COL24A1: variants seen among roughly 807,000 people sequenced by gnomAD.
COL24A1 encodes collagen alpha-1(XXIV) chain.
In COL24A1, 224 loss-of-function variants were observed where a neutral mutation model predicts 253.9. The observed-to-expected ratio is 0.88, with a 90% CI of 0.79 to 0.99. COL24A1 has a LOEUF of 0.99. COL24A1 is among the 50% of genes least tolerant of loss of function. The probability of loss-of-function intolerance (pLI) is 0.00; values close to 1 mark genes in which losing one functional copy is unlikely to be tolerated. For missense variants in COL24A1, 2,131 were observed against 2,068.5 expected (o/e 1.03, Z -0.59); for synonymous variants, 685 against 673.7 (o/e 1.02, Z -0.26).
intron 20 of COL24A1, among the ~76,000 whole-genome samples, chr1:85,972,156 CT>C (rs1178300317): frequency 6.6e-6 from 1 of 152,100 alleles, no homozygotes; most frequent in African/African-American, 2.4e-5. Context: ...TTCTAAGTCT[CT>C]TTTTAGAATT....
intron 2 of COL24A1, among the ~76,000 whole-genome samples, chr1:86,142,395 T>C (rs1353458584): frequency 1.3e-5 from 2 of 151,134 alleles, no homozygotes; most frequent in African/African-American, 4.9e-5. Context: ...TGGTGGTGGG[T>C]GCCTGTAGTC....
chr1:85,811,592 C>T (rs11161677), intron 47 of COL24A1, among the ~76,000 whole-genome samples: 50,101 of 151,928 alleles, frequency 0.33, 9,573 homozygotes, highest in Non-Finnish European at 0.44. Context: ...CACCATCTTG[C>T]TAACACTTGT....
chr1:85,739,508 C>T (rs1289946434), intron 57 of COL24A1, among the ~76,000 whole-genome samples: 1 of 152,144 alleles, frequency 6.6e-6, no homozygotes, highest in African/African-American at 2.4e-5. Flanking sequence ...GGTGGCAAGG[C>T]ATCTTTCTTG....
chr1:86,093,951 AAC>A (rs1396481579), intron 5 of COL24A1, among the ~76,000 whole-genome samples: 3 of 152,288 alleles, frequency 2.0e-5, no homozygotes, highest in African/African-American at 7.2e-5. Context: ...ACCGTCTCAC[AAC>A]AGACAGAATG....
intron 23 of COL24A1, among the ~76,000 whole-genome samples, chr1:85,964,506 T>C (rs1251054732): frequency 6.6e-6 from 1 of 152,160 alleles, no homozygotes; most frequent in Admixed American, 6.6e-5. Flanking sequence ...TATTGCCCTG[T>C]ATGTAACACA....
chr1:85,942,140 C>A (rs763863975), intron 24 of COL24A1, among the ~76,000 whole-genome samples: 1 of 152,098 alleles, frequency 6.6e-6, no homozygotes, highest in Non-Finnish European at 1.5e-5. Context: ...TCTCTTTAGG[C>A]AATAATAAAT....
intron 59 of COL24A1, among the ~76,000 whole-genome samples, chr1:85,731,217 C>T (rs1663441246): frequency 6.6e-6 from 1 of 152,058 alleles, no homozygotes; most frequent in South Asian, 2.1e-4. Context: ...TCTATTTATA[C>T]AGTTTCCCTC....
chr1:86,111,794 A>T lies in COL24A1; in HGVS notation c.1599+773T>A, dbSNP rs189383390. 8.3e-3 allele frequency among the ~76,000 whole-genome samples: 1,259 copies of T among 152,256 alleles called. 9 individuals are homozygous for T. Among genetic ancestry groups the T allele is most frequent in the African/African-American group, 0.028 (1,174 of 41,538 alleles). ...GACCACGAACCCACCGGGAGGAATG[A>T]ACAACTCCGGATAGGAGGAACGAAC... On this transcript the variant is annotated intron_variant, in intron 5 of 59. Coordinates refer to ENST00000370571, the MANE Select transcript of COL24A1 (RefSeq NM_152890.7).
intron 35 of COL24A1, among the ~76,000 whole-genome samples, chr1:85,870,514 A>G (rs1680342148): frequency 6.6e-6 from 1 of 152,262 alleles, no homozygotes. Flanking sequence ...ACCACAGTGC[A>G]ATCAAACTAG....
At chr1:85,959,895 T>C (rs1380039667) in intron 24 of COL24A1, among the ~76,000 whole-genome samples, 3 of 152,180 alleles carry the variant, frequency 2.0e-5, no homozygotes, top group African/African-American at 7.2e-5. Flanking sequence ...CTTAAGCAAT[T>C]TGTCACTCAG....
chr1:86,005,653 A>T (rs772665172), intron 19 of COL24A1, among the ~76,000 whole-genome samples: 41 of 152,136 alleles, frequency 2.7e-4, no homozygotes, highest in Admixed American at 4.6e-4. Context: ...GAAATTAGAA[A>T]AGGAACAAAG....
intron 24 of COL24A1, among the ~76,000 whole-genome samples, chr1:85,960,348 G>A (rs573851399): frequency 6.6e-6 from 1 of 152,022 alleles, no homozygotes; most frequent in Non-Finnish European, 1.5e-5. Context: ...TCATTTGTTA[G>A]AGAATATTTT....
intron 31 of COL24A1, among the ~76,000 whole-genome samples, chr1:85,890,083 C>A (rs1682953296): frequency 6.6e-6 from 1 of 152,112 alleles, no homozygotes; most frequent in Non-Finnish European, 1.5e-5. Context: ...TGTGTCAAAA[C>A]TTCCTGCTTT....
At chr1:86,145,602 A>T (rs1651766781) in intron 2 of COL24A1, among the ~76,000 whole-genome samples, 1 of 152,100 alleles carries the variant, frequency 6.6e-6, no homozygotes, top group Admixed American at 6.5e-5. Flanking sequence ...AAACTCTATC[A>T]TCATACTACC....
intron 19 of COL24A1, among the ~76,000 whole-genome samples, chr1:86,000,305 C>T (rs773553396): frequency 3.9e-5 from 6 of 152,162 alleles, no homozygotes; most frequent in South Asian, 2.1e-4. Flanking sequence ...ATATAGATTT[C>T]GTTCTTCCCA....
At chr1:85,851,238 A>C (rs183329266) in intron 37 of COL24A1, among the ~76,000 whole-genome samples, 176 of 152,122 alleles carry the variant, frequency 1.2e-3, no homozygotes, top group Non-Finnish European at 1.9e-3. Flanking sequence ...TGTTCTCCTG[A>C]AACTTCTTTT....
chr1:86,149,450 T>C (rs748697852), intron 1 of COL24A1, among the ~76,000 whole-genome samples: 3 of 152,224 alleles, frequency 2.0e-5, no homozygotes, highest in East Asian at 1.9e-4. Context: ...ACTGGCAGGA[T>C]ACATATCAGC....
intron 5 of COL24A1, among the ~76,000 whole-genome samples, chr1:86,100,031 C>T (rs925303928): frequency 2.3e-4 from 35 of 151,984 alleles, no homozygotes; most frequent in Admixed American, 3.3e-4. Context: ...CACATGCACA[C>T]GTATGTTTAT....
At chr1:85,826,812 A>G (rs1674406087) in intron 43 of COL24A1, among the ~76,000 whole-genome samples, 1 of 152,182 alleles carries the variant, frequency 6.6e-6, no homozygotes, top group Admixed American at 6.6e-5. Flanking sequence ...TTATCAGCTT[A>G]AGGAGATTTT....
Sources: gnomAD v4.1 joint callset for allele counts (sites outside exome capture counted in the v4.1 genomes callset) on GRCh38, gnomAD v4.1.1 for gene constraint, MANE v1.5 for transcripts, NCBI Gene and HGNC (gene_info 2026-07-23, HGNC 2026-07-21) for gene names.